The following NEB variants were observed in gnomAD, a reference collection of about 807,000 sequenced individuals.
NEB encodes nebulin, also known as nemaline myopathy type 2.
NEB carries 512 observed loss-of-function variants against 952.2 expected under a neutral mutation model. That is an observed-to-expected ratio of 0.54 (90% CI 0.50 to 0.58). The LOEUF (loss-of-function observed/expected upper bound fraction) is 0.58, where lower values mean the gene tolerates loss of function less well. Ranked by LOEUF, NEB falls within the 20% of genes least tolerant of loss-of-function variation. NEB has a pLI of 0.00. For synonymous variants in NEB, 2,900 were observed against 3,149.8 expected, an observed-to-expected ratio of 0.92 and a Z score of 2.66; for missense variants, 8,428 against 9,231.1, an observed-to-expected ratio of 0.91 and a Z score of 3.56.
At chr2:151,535,615 G>T in intron 142 of NEB, 76 bp downstream of exon 142, 1 of 869,130 alleles carries the variant, frequency 1.2e-6, no homozygotes, top group Non-Finnish European at 1.8e-6. Flanking sequence ...TGTGTATTGG[G>T]CTTTAATTTA....
intron 153 of NEB, among the ~76,000 whole-genome samples, chr2:151,523,387 T>C (rs75418704): frequency 0.021 from 3,136 of 152,378 alleles, 109 homozygotes; most frequent in African/African-American, 0.071. Flanking sequence ...TTCCAAAAGA[T>C]TGGAATCCCA....
chr2:151,553,791 G>C, intron 126 of NEB, 37 bp downstream of exon 126: 1 of 1,560,666 alleles, frequency 6.4e-7, no homozygotes, highest in Non-Finnish European at 8.7e-7. Flanking sequence ...CCGTGGGGCG[G>C]GGCCGTGGAG....
chr2:151,520,820 C>T (rs975396069), intron 153 of NEB, among the ~76,000 whole-genome samples: 1 of 152,150 alleles, frequency 6.6e-6, no homozygotes, highest in Non-Finnish European at 1.5e-5. Context: ...GTCAGGATCG[C>T]ACCACTGCAC....
chr2:151,499,907 C>T (rs1034484197), intron 168 of NEB, among the ~76,000 whole-genome samples: 7 of 152,024 alleles, frequency 4.6e-5, no homozygotes, highest in African/African-American at 1.4e-4. Flanking sequence ...GGCTTATGCA[C>T]CACTGGGCAA....
At position 151,621,046 on chromosome 2, in the gene NEB, C is replaced by T. The variant is rs1328836351; in HGVS notation, c.10453-20G>A. 6 of 1,563,022 alleles carry T rather than the reference C, an allele frequency of 3.8e-6. No individual in the cohort carries two copies. The highest frequency in any genetic ancestry group is 5.2e-6 in the Non-Finnish European group (6 of 1,144,554). ...GAGGCTCTGAGGAAAGAAGGAGTAG[C>T]TTTTAAATATAGAATTCACATTCAC... On this transcript the variant is annotated intron_variant, in intron 71 of 181. Coordinates refer to ENST00000397345, the MANE Select transcript of NEB (RefSeq NM_001164508.2).
At chr2:151,538,312 A>C in intron 138 of NEB, 68 bp from the exon 139 acceptor site, 1 of 1,176,166 alleles carries the variant, frequency 8.5e-7, no homozygotes, top group South Asian at 1.2e-5. Flanking sequence ...TCTTTTAAGC[A>C]TGAACTCTCT....
intron 9 of NEB, among the ~76,000 whole-genome samples, chr2:151,718,614 G>T (rs1195792428): frequency 6.6e-6 from 1 of 152,060 alleles, no homozygotes; most frequent in Non-Finnish European, 1.5e-5. Context: ...GCTCAGAGGA[G>T]AAACATCCTT....
chr2:151,618,009 A>G (rs373993514), intron 74 of NEB, among the ~76,000 whole-genome samples: 34 of 152,168 alleles, frequency 2.2e-4, no homozygotes, highest in African/African-American at 6.0e-4. Flanking sequence ...GCAGTGAGCC[A>G]AGATCGTGCC....
intron 156 of NEB, 125 bp downstream of exon 156, chr2:151,518,193 A>C (rs2079284507): frequency 1.3e-6 from 1 of 744,556 alleles, no homozygotes; most frequent in Non-Finnish European, 2.4e-6. Flanking sequence ...AAAAGTTACC[A>C]GATTCAAAAC....
At chr2:151,540,588 C>A in intron 137 of NEB, 109 bp downstream of exon 137, 1 of 1,141,676 alleles carries the variant, frequency 8.8e-7, no homozygotes, top group Non-Finnish European at 1.3e-6. Context: ...TTTGATGATG[C>A]TGAGCACCAT....
At chr2:151,669,915 T>C (rs143587644) in intron 38 of NEB, among the ~76,000 whole-genome samples, 2 of 152,214 alleles carry the variant, frequency 1.3e-5, no homozygotes, top group African/African-American at 2.4e-5. Context: ...TTGGTGGCAT[T>C]TGAGAGCAGA....
intron 56 of NEB, 75 bp from the exon 57 acceptor site, chr2:151,644,204 C>T (rs1455269746): frequency 1.3e-6 from 2 of 1,542,914 alleles, no homozygotes; most frequent in African/African-American, 1.4e-5. Context: ...TTACAAAGCG[C>T]ATTAACTCTA....
chr2:151,499,707 C>T (rs1337762220), intron 168 of NEB, among the ~76,000 whole-genome samples: 1 of 152,050 alleles, frequency 6.6e-6, no homozygotes, highest in Non-Finnish European at 1.5e-5. Context: ...AGAAAAATTG[C>T]TTAAGTTAGA....
chr2:151,569,474 AG>A, intron 109 of NEB, 102 bp from the exon 110 acceptor site: 1 of 892,792 alleles, frequency 1.1e-6, no homozygotes, highest in Non-Finnish European at 1.9e-6. Flanking sequence ...ATGCTATATA[AG>A]CCAAGGAGGA....
chr2:151,506,365 G>A (rs958551467), intron 163 of NEB, 107 bp from the exon 164 acceptor site: 8 of 818,268 alleles, frequency 9.8e-6, no homozygotes, highest in East Asian at 2.4e-5. Flanking sequence ...GACACTAGAC[G>A]ATGTTCCCAG....
At chr2:151,564,050 C>T (rs2096245458) in intron 117 of NEB, 120 bp from the exon 118 acceptor site, 1 of 714,346 alleles carries the variant, frequency 1.4e-6, no homozygotes, top group Non-Finnish European at 2.4e-6. Context: ...AAATCTTTAT[C>T]TATAGCCATT....
At chr2:151,513,782 C>T (rs1382229502) in intron 159 of NEB, 89 bp from the exon 160 acceptor site, 12 of 881,374 alleles carry the variant, frequency 1.4e-5, no homozygotes, top group Non-Finnish European at 2.0e-5. Flanking sequence ...CCACATAACA[C>T]GCCACCCCAG....
At chr2:151,732,853 G>A (rs908286911) in intron 3 of NEB, among the ~76,000 whole-genome samples, 3 of 152,062 alleles carry the variant, frequency 2.0e-5, no homozygotes, top group Non-Finnish European at 4.4e-5. Context: ...TTTAGAAGAC[G>A]AATTAAAACC....
chr2:151,534,587 A>G (rs2092686411), intron 142 of NEB, among the ~76,000 whole-genome samples: 1 of 152,228 alleles, frequency 6.6e-6, no homozygotes, highest in African/African-American at 2.4e-5. Context: ...ATATGATGCC[A>G]TTAACAACAT....
Sources: allele counts gnomAD v4.1 joint callset (sites outside exome capture counted in the v4.1 genomes callset), GRCh38; gene constraint gnomAD v4.1.1; transcripts MANE v1.5; gene names NCBI Gene and HGNC (gene_info 2026-07-23, HGNC 2026-07-21).